Variants in LCN9 observed in about 807,000 individuals in gnomAD.
LCN9 encodes epididymal-specific lipocalin-9.
LCN9 carries 22 observed loss-of-function variants against 18.5 expected under a neutral mutation model. That is an observed-to-expected ratio of 1.19 (90% CI 0.85 to 1.70). The LOEUF is 1.70. Ranked by LOEUF, LCN9 falls within the 40% of genes most tolerant of loss-of-function variation. The probability of loss-of-function intolerance (pLI) is 0.00; values close to 1 mark genes in which losing one functional copy is unlikely to be tolerated. For missense variants in LCN9, 202 were observed against 201.3 expected (o/e 1.00, Z -0.02); for synonymous variants, 89 against 83.0 (o/e 1.07, Z -0.39).
rs886770561 is a variant in LCN9, at chr9:135,664,428, G to A, written c.233+130G>A. 1 of 1,242,376 alleles carries A rather than the reference G, an allele frequency of 8.0e-7. No individual in the cohort carries two copies. Among genetic ancestry groups the A allele is most frequent in the Non-Finnish European group, 1.1e-6 (1 of 873,316 alleles). The allele number at this position is 1,242,376 out of a possible 1,614,324, so 77.0% of individuals were successfully genotyped here. On this transcript the variant is annotated intron_variant, in intron 2 of 5. Transcript: ENST00000619315. This position sits in a 1 kb window ranked among gnomAD's most constrained non-coding sequence, Gnocchi z 4.5. ...CACTCTGGTGAGAGCCTGAGCCTGT[G>A]CGTGTGACCCTTGGGGGCAGGGTGA... is the stretch of plus-strand genomic sequence containing the variant.
In LCN9 at chr9:135,665,173, G is replaced by T. The variant is rs555747582; in HGVS notation, c.308-72G>T. Reference sequence around the variant, plus strand: ...CACTTGACCCCCCATCCTCACTTGCGGCCACACAGCACGTGTCACAGGACC... The same window carrying T: ...CACTTGACCCCCCATCCTCACTTGCTGCCACACAGCACGTGTCACAGGACC... On this transcript the variant is annotated intron_variant, in intron 3 of 5. Coordinates refer to ENST00000619315, the Ensembl canonical transcript of LCN9. This position sits in a 1 kb window ranked among gnomAD's most constrained non-coding sequence, Gnocchi z 5.9. 3.8e-6 allele frequency: 4 copies of T among 1,063,246 alleles called. No individual in the cohort carries two copies. The South Asian group carries it at 4.0e-5, about 11-fold the overall frequency. 65.9% of individuals were successfully genotyped at this position (1,063,246 alleles called of 1,614,324 possible).
chr9:135,666,209 G>T, exon 6 of LCN9: 1 of 1,490,666 alleles, frequency 6.7e-7, no homozygotes, highest in Non-Finnish European at 9.0e-7. Context: ...ACAGCCTGGA[G>T]CCCGAGGTCT....
Position 135,665,861 on chromosome 9 carries a change from A to T in LCN9, c.*10A>T, listed in dbSNP as rs778821905. 7 of 1,612,732 alleles carry T rather than the reference A, an allele frequency of 4.3e-6. No individual in the cohort carries two copies. In the South Asian group the frequency reaches 6.6e-5, roughly 15 times the overall value. On this transcript the variant is annotated splice_region_variant and 3_prime_UTR_variant, in exon 6 of 6. Coordinates refer to ENST00000619315, the Ensembl canonical transcript of LCN9. The surrounding 1 kb of genome is among the most constrained non-coding windows in gnomAD (Gnocchi z 5.9). ...CTGAGAGCCCCCTCTGTCCTTCCAG[A>T]TCCCTGCTACTCCAAGCATTACAGG... is the stretch of plus-strand genomic sequence containing the variant.
Position 135,665,540 on chromosome 9 carries a change from A to G in LCN9, c.419-148A>G. ...GCTTCAATCTGTCACCTCCCATCTC[A>G]CTTGGCACAAAGCCCCTCTCTGGTC... On this transcript the variant is annotated intron_variant, in intron 4 of 5. Coordinates refer to ENST00000619315, the Ensembl canonical transcript of LCN9. The surrounding 1 kb of genome is among the most constrained non-coding windows in gnomAD (Gnocchi z 5.9). 1 of 859,016 alleles carries G rather than the reference A, an allele frequency of 1.2e-6. No individual in the cohort carries two copies. Among genetic ancestry groups the G allele is most frequent in the Non-Finnish European group, 1.8e-6 (1 of 542,836 alleles). The allele number at this position is 859,016 out of a possible 1,614,324, so 53.2% of individuals were successfully genotyped here.
rs1234707325 is a variant in LCN9, at chr9:135,665,336, C to A, written c.399C>A (p.Thr133=). The change falls in exon 4 of 6, where the codon ACC becomes ACA. Residue 133 remains threonine, a synonymous_variant. Transcript: ENST00000619315. This position sits in a 1 kb window ranked among gnomAD's most constrained non-coding sequence, Gnocchi z 5.9. ...AGAACTTCAGGAACGGGACCGAGAC[C>A]CACACGCTGGCGCTCTATGGTACCT... 6.2e-7 allele frequency: 1 copy of A among 1,602,950 alleles called. No individual in the cohort carries two copies. The highest frequency in any genetic ancestry group is 8.5e-7 in the Non-Finnish European group (1 of 1,175,042).
At position 135,665,669 on chromosome 9, in the gene LCN9, A is replaced by C. The variant is rs774002599; in HGVS notation, c.419-19A>C. Reference sequence around the variant, plus strand: ...TTCCCAGCACGGGTCCCATAGCTGGAACCCTCCTTCCTGAGCAGATTTGAA... The same window carrying C: ...TTCCCAGCACGGGTCCCATAGCTGGCACCCTCCTTCCTGAGCAGATTTGAA... On this transcript the variant is annotated intron_variant, in intron 4 of 5. Coordinates refer to ENST00000619315, the Ensembl canonical transcript of LCN9. The surrounding 1 kb of genome is among the most constrained non-coding windows in gnomAD (Gnocchi z 5.9). 5.0e-6 allele frequency: 8 copies of C among 1,608,632 alleles called. No homozygotes were observed. The highest frequency in any genetic ancestry group is 6.8e-6 in the Non-Finnish European group (8 of 1,176,964).
In LCN9 at chr9:135,664,357, CAT is replaced by C; in HGVS notation, c.233+61_233+62del. ...GACCCATGCCCCTGCCACCCCAACGCATACTCTCACTCTTGCACACACACGCT... is the reference window on the plus strand; with the variant it reads ...GACCCATGCCCCTGCCACCCCAACGCACTCTCACTCTTGCACACACACGCT... On this transcript the variant is annotated intron_variant, in intron 2 of 5. Transcript: ENST00000619315. This position sits in a 1 kb window ranked among gnomAD's most constrained non-coding sequence, Gnocchi z 4.5. 8 of 1,596,922 alleles carry C rather than the reference CAT, an allele frequency of 5.0e-6. No homozygotes were observed. Among genetic ancestry groups the C allele is most frequent in the Non-Finnish European group, 6.9e-6 (8 of 1,167,340 alleles).
Position 135,665,100 on chromosome 9 carries a change from C to A in LCN9, c.308-145C>A. ...TGCTGCCCGCCCCCTGTGCAGGGGT[C>A]TCCGCTGGGTGAGCACCGTGGGCTC... is the stretch of plus-strand genomic sequence containing the variant. On this transcript the variant is annotated intron_variant, in intron 3 of 5. Coordinates refer to ENST00000619315, the Ensembl canonical transcript of LCN9. This position sits in a 1 kb window ranked among gnomAD's most constrained non-coding sequence, Gnocchi z 5.9. 1 of 672,146 alleles carries A rather than the reference C, an allele frequency of 1.5e-6. No homozygotes were observed. The highest frequency in any genetic ancestry group is 2.7e-6 in the Non-Finnish European group (1 of 376,640). The allele number at this position is 672,146 out of a possible 1,614,324, so 41.6% of individuals were successfully genotyped here. A position where few individuals can be genotyped will look rare whatever the true frequency, so the allele number is the denominator to read the frequency against.
Position 135,664,609 on chromosome 9 carries a change from G to A in LCN9, c.234-113G>A. On this transcript the variant is annotated intron_variant, in intron 2 of 5. Transcript: ENST00000619315. This position sits in a 1 kb window ranked among gnomAD's most constrained non-coding sequence, Gnocchi z 4.5. ...GCCCAAGAACTTGGGGCTGTGGAAT[G>A]AGGCCTGGGCATTGGGAGGGTGAGC... is the stretch of plus-strand genomic sequence containing the variant. 1.0e-6 allele frequency: 1 copy of A among 980,652 alleles called. No homozygotes were observed. The highest frequency in any genetic ancestry group is 1.7e-5 in the South Asian group (1 of 58,912). 60.7% of individuals were successfully genotyped at this position (980,652 alleles called of 1,614,324 possible).
chr9:135,666,123 AT>A lies in LCN9; in HGVS notation c.*273del, dbSNP rs778540501. The A allele has an allele frequency of 2.3e-5, 37 of 1,597,850 alleles. No individual in the cohort carries two copies. The East Asian group carries it at 7.8e-4, about 34-fold the overall frequency. On this transcript the variant is annotated 3_prime_UTR_variant, in exon 6 of 6. Coordinates refer to ENST00000619315, the Ensembl canonical transcript of LCN9. ...TGGTAAGGTCTGAGCAGGAAGTGAG[AT>A]GGGGCCCTGTGTGAGTCTCCAGGGG...
exon 6 of LCN9, chr9:135,666,193 T>C: frequency 6.6e-7 from 1 of 1,525,758 alleles, no homozygotes; most frequent in Non-Finnish European, 8.8e-7. Context: ...CAGGATTTAC[T>C]TTCTCACAGC....
chr9:135,664,914 A>G lies in LCN9; in HGVS notation c.307+119A>G. 9.0e-7 allele frequency: 1 copy of G among 1,107,322 alleles called. No homozygotes were observed. The highest frequency in any genetic ancestry group is 1.6e-5 in the African/African-American group (1 of 62,942). 68.6% of individuals were successfully genotyped at this position (1,107,322 alleles called of 1,614,324 possible). On this transcript the variant is annotated intron_variant, in intron 3 of 5. Coordinates refer to ENST00000619315, the Ensembl canonical transcript of LCN9. This position sits in a 1 kb window ranked among gnomAD's most constrained non-coding sequence, Gnocchi z 4.5. ...TTTTAGTTAAGCCCCTGACAGCTTGACCCTGAACTGGAGGGACCCATCCTG... is the reference window on the plus strand; with the variant it reads ...TTTTAGTTAAGCCCCTGACAGCTTGGCCCTGAACTGGAGGGACCCATCCTG...
At position 135,665,671 on chromosome 9, in the gene LCN9, C is replaced by A. The variant is rs374609658; in HGVS notation, c.419-17C>A. 2 of 1,610,088 alleles carry A rather than the reference C, an allele frequency of 1.2e-6. No individual in the cohort carries two copies. Among genetic ancestry groups the A allele is most frequent in the East Asian group, 2.2e-5 (1 of 44,796 alleles). ...CCCAGCACGGGTCCCATAGCTGGAA[C>A]CCTCCTTCCTGAGCAGATTTGAAGA... On this transcript the variant is annotated splice_polypyrimidine_tract_variant and intron_variant, in intron 4 of 5. Coordinates refer to ENST00000619315, the Ensembl canonical transcript of LCN9. The surrounding 1 kb of genome is among the most constrained non-coding windows in gnomAD (Gnocchi z 5.9).
In LCN9 at chr9:135,665,830, C is replaced by G. The variant is rs1360460836; in HGVS notation, c.*10-31C>G. ...GAGGTGTGCCTGCGGGGTCCCTGTCCCTGCGCTGAGAGCCCCCTCTGTCCT... is the reference window on the plus strand; with the variant it reads ...GAGGTGTGCCTGCGGGGTCCCTGTCGCTGCGCTGAGAGCCCCCTCTGTCCT... On this transcript the variant is annotated intron_variant, in intron 5 of 5. Transcript: ENST00000619315. This position sits in a 1 kb window ranked among gnomAD's most constrained non-coding sequence, Gnocchi z 5.9. 1 of 1,612,316 alleles carries G rather than the reference C, an allele frequency of 6.2e-7. No individual in the cohort carries two copies. Among genetic ancestry groups the G allele is most frequent in the East Asian group, 2.2e-5 (1 of 44,804 alleles).
chr9:135,665,676 C>T lies in LCN9; in HGVS notation c.419-12C>T, dbSNP rs771599304. ...CACGGGTCCCATAGCTGGAACCCTC[C>T]TTCCTGAGCAGATTTGAAGAAACCT... On this transcript the variant is annotated splice_polypyrimidine_tract_variant and intron_variant, in intron 4 of 5. Transcript: ENST00000619315. The surrounding 1 kb of genome is among the most constrained non-coding windows in gnomAD (Gnocchi z 5.9). The T allele has an allele frequency of 3.4e-5, 54 of 1,610,966 alleles. No individual in the cohort carries two copies. Among genetic ancestry groups the T allele is most frequent in the Non-Finnish European group, 4.2e-5 (50 of 1,178,672 alleles).
chr9:135,664,051 G>A lies in LCN9; in HGVS notation c.97-111G>A. 8.4e-7 allele frequency: 1 copy of A among 1,190,128 alleles called. No individual in the cohort carries two copies. The highest frequency in any genetic ancestry group is 1.5e-5 in the South Asian group (1 of 67,220). The allele number at this position is 1,190,128 out of a possible 1,614,324, so 73.7% of individuals were successfully genotyped here. On this transcript the variant is annotated intron_variant, in intron 1 of 5. Coordinates refer to ENST00000619315, the Ensembl canonical transcript of LCN9. The surrounding 1 kb of genome is among the most constrained non-coding windows in gnomAD (Gnocchi z 4.5). ...GGCACTGGAAGGGCGGAGGGGTTCT[G>A]GTTGGGAGCCAGATGCTAAGGGGCC... is the stretch of plus-strand genomic sequence containing the variant.
exon 1 of LCN9, chr9:135,663,383 A>G (rs929849804): frequency 1.1e-5 from 17 of 1,613,950 alleles, no homozygotes; most frequent in Non-Finnish European, 1.4e-5. Flanking sequence ...TTCGATCCCC[A>G]CACCGTTATG....
chr9:135,663,897 A>AG (rs1429555424), intron 1 of LCN9, among the ~76,000 whole-genome samples: 2 of 28,914 alleles, frequency 6.9e-5, no homozygotes, highest in Non-Finnish European at 1.2e-4. Context: ...TTGGGATCAA[A>AG]GGGGGGATCT....
Position 135,664,803 on chromosome 9 carries a change from G to C in LCN9, c.307+8G>C. The C allele has an allele frequency of 6.3e-7, 1 of 1,575,672 alleles. No individual in the cohort carries two copies. Among genetic ancestry groups the C allele is most frequent in the Non-Finnish European group, 8.6e-7 (1 of 1,160,842 alleles). ...GGGAATACTCCATCAACTGTAAGTG[G>C]AAGCCAGGCTCCTCCTGGTCTCACA... On this transcript the variant is annotated splice_region_variant and intron_variant, in intron 3 of 5. Coordinates refer to ENST00000619315, the Ensembl canonical transcript of LCN9. This position sits in a 1 kb window ranked among gnomAD's most constrained non-coding sequence, Gnocchi z 4.5.
Sources: gnomAD v4.1 joint callset for allele counts (sites outside exome capture counted in the v4.1 genomes callset) on GRCh38, gnomAD v4.1.1 for gene constraint, Gnocchi (gnomAD v3.1) non-coding constraint, MANE v1.5 for transcripts, NCBI Gene and HGNC (gene_info 2026-07-23, HGNC 2026-07-21) for gene names.